Variants in KIAA1328 observed in about 807,000 individuals in gnomAD.
The protein encoded by KIAA1328 is protein hinderin.
In KIAA1328, 52 loss-of-function variants were observed where a neutral mutation model predicts 68.1. The observed-to-expected ratio is 0.76, with a 90% CI of 0.61 to 0.96. The LOEUF (loss-of-function observed/expected upper bound fraction) is 0.96, where lower values mean the gene tolerates loss of function less well. Among genes scored for constraint, KIAA1328 ranks in the 40% least tolerant of loss-of-function variants. The probability of loss-of-function intolerance (pLI) is 0.00; values close to 1 mark genes in which losing one functional copy is unlikely to be tolerated. For missense variants in KIAA1328, 641 were observed against 677.6 expected (o/e 0.95, Z 0.60); for synonymous variants, 232 against 239.4 (o/e 0.97, Z 0.28).
At chr18:37,161,981 T>G (rs1163578273) in intron 8 of KIAA1328, among the ~76,000 whole-genome samples, 1 of 152,208 alleles carries the variant, frequency 6.6e-6, no homozygotes, top group Non-Finnish European at 1.5e-5. Context: ...CCTGAAAAGG[T>G]CTTGTGTCCA....
At chr18:37,042,641 A>G (rs79539519) in intron 6 of KIAA1328, among the ~76,000 whole-genome samples, 1,839 of 152,180 alleles carry the variant, frequency 0.012, 5 homozygotes, top group Non-Finnish European at 0.02. Flanking sequence ...GTGAAGAGTC[A>G]TTTCCCTTGC....
At chr18:37,001,829 C>T (rs1037683700) in intron 6 of KIAA1328, among the ~76,000 whole-genome samples, 2 of 151,988 alleles carry the variant, frequency 1.3e-5, no homozygotes, top group Non-Finnish European at 1.5e-5. Flanking sequence ...AAGCTTTCAT[C>T]GAACCAGGTT....
intron 9 of KIAA1328, among the ~76,000 whole-genome samples, chr18:37,197,859 G>A (rs1275698530): frequency 1.3e-5 from 2 of 152,080 alleles, no homozygotes; most frequent in African/African-American, 2.4e-5. Flanking sequence ...GTCTACCCAA[G>A]AGAAATGAAA....
At chr18:37,072,624 A>G (rs546885750) in intron 7 of KIAA1328, among the ~76,000 whole-genome samples, 2 of 152,168 alleles carry the variant, frequency 1.3e-5, no homozygotes, top group African/African-American at 4.8e-5. Context: ...TAAATTTACA[A>G]TCTTTTGTTA....
intron 6 of KIAA1328, among the ~76,000 whole-genome samples, chr18:37,060,872 C>T (rs1599119562): frequency 1.3e-5 from 2 of 152,132 alleles, no homozygotes; most frequent in African/African-American, 4.8e-5. Flanking sequence ...AATCTCAGCA[C>T]TTTGGGAGGC....
At chr18:36,894,393 C>T (rs1358498736) in intron 5 of KIAA1328, among the ~76,000 whole-genome samples, 3 of 152,106 alleles carry the variant, frequency 2.0e-5, no homozygotes, top group Non-Finnish European at 2.9e-5. Context: ...ACTCATTTTC[C>T]CTTGAAACCT....
At chr18:37,039,815 A>T (rs1366039173) in intron 6 of KIAA1328, among the ~76,000 whole-genome samples, 1 of 152,188 alleles carries the variant, frequency 6.6e-6, no homozygotes, top group African/African-American at 2.4e-5. Flanking sequence ...GTTGAACTTC[A>T]CTGGGTTCTC....
chr18:37,070,727 T>C (rs1319945872), intron 7 of KIAA1328, among the ~76,000 whole-genome samples: 1 of 151,946 alleles, frequency 6.6e-6, no homozygotes. Context: ...CCCACCACCA[T>C]GCCCGGCTAG....
intron 9 of KIAA1328, among the ~76,000 whole-genome samples, chr18:37,187,070 A>G (rs2059816913): frequency 6.6e-6 from 1 of 152,078 alleles, no homozygotes; most frequent in Non-Finnish European, 1.5e-5. Flanking sequence ...AGGCTGAGGC[A>G]GGAGAATCGC....
chr18:37,038,913 T>C (rs1020243196), intron 6 of KIAA1328, among the ~76,000 whole-genome samples: 2 of 152,178 alleles, frequency 1.3e-5, no homozygotes, highest in Admixed American at 1.3e-4. Context: ...TGAGAGTCTT[T>C]ATCATAAGTA....
chr18:36,895,592 G>A (rs2048842302), intron 5 of KIAA1328, among the ~76,000 whole-genome samples: 2 of 152,120 alleles, frequency 1.3e-5, no homozygotes, highest in South Asian at 4.1e-4. Context: ...AGTAGTGTGA[G>A]AAGAGATGGT....
chr18:36,986,046 T>C (rs960514992), intron 6 of KIAA1328, among the ~76,000 whole-genome samples: 1 of 152,174 alleles, frequency 6.6e-6, no homozygotes, highest in African/African-American at 2.4e-5. Context: ...CTGCAAAATA[T>C]TTTAACTTTT....
chr18:36,972,148 T>C (rs2151323911), intron 6 of KIAA1328, among the ~76,000 whole-genome samples: 1 of 152,308 alleles, frequency 6.6e-6, no homozygotes, highest in Middle Eastern at 3.4e-3. Flanking sequence ...TTGACAAAAG[T>C]GCTAAGGCAG....
At chr18:37,194,940 G>A (rs1203650538) in intron 9 of KIAA1328, among the ~76,000 whole-genome samples, 1 of 152,166 alleles carries the variant, frequency 6.6e-6, no homozygotes, top group Non-Finnish European at 1.5e-5. Context: ...ATTATAGCAT[G>A]AGCCACTGCG....
chr18:37,067,215 C>G lies in KIAA1328; in HGVS notation c.902C>G (p.Thr301Ser), dbSNP rs373293089. Residue 301 changes from threonine to serine, a missense_variant, in exon 7 of 10, where the codon ACT becomes AGT. Coordinates refer to ENST00000280020, the MANE Select transcript of KIAA1328 (RefSeq NM_020776.3). ...HMKECPHLKP[T>S]PSQCCGHRLA... Reference sequence around the variant, plus strand: ...AAGGAATGTCCACATCTTAAGCCTACTCCTAGTCAATGCTGTGGTCATAGA... The same window carrying G: ...AAGGAATGTCCACATCTTAAGCCTAGTCCTAGTCAATGCTGTGGTCATAGA... 2.6e-5 allele frequency: 42 copies of G among 1,613,882 alleles called. No individual in the cohort carries two copies. The highest frequency in any genetic ancestry group is 3.6e-5 in the Non-Finnish European group (42 of 1,179,882).
intron 6 of KIAA1328, among the ~76,000 whole-genome samples, chr18:37,003,491 A>G (rs1310530154): frequency 2.0e-5 from 3 of 152,082 alleles, no homozygotes; most frequent in African/African-American, 7.2e-5. Context: ...TCTCCGCAGG[A>G]AAAAAACTTG....
chr18:37,079,783 A>G (rs1024233171), intron 7 of KIAA1328, among the ~76,000 whole-genome samples: 3 of 150,424 alleles, frequency 2.0e-5, no homozygotes, highest in South Asian at 2.2e-4. Flanking sequence ...GCTACTCAGG[A>G]TGCTTAGGCA....
chr18:37,169,209 G>A (rs1332437392), intron 8 of KIAA1328, among the ~76,000 whole-genome samples: 2 of 149,016 alleles, frequency 1.3e-5, no homozygotes, highest in Admixed American at 6.7e-5. Context: ...ACTGTCGCCC[G>A]GGCTGGAGTG....
chr18:36,894,026 C>T (rs1217231994), intron 5 of KIAA1328, among the ~76,000 whole-genome samples: 4 of 152,028 alleles, frequency 2.6e-5, no homozygotes, highest in African/African-American at 7.2e-5. Context: ...TTCATAATAG[C>T]CTGGTTAACT....
Sources: allele counts gnomAD v4.1 joint callset (sites outside exome capture counted in the v4.1 genomes callset), GRCh38; gene constraint gnomAD v4.1.1; transcripts MANE v1.5; gene names NCBI Gene and HGNC (gene_info 2026-07-23, HGNC 2026-07-21).